Variants in ADGRA1 observed in about 807,000 individuals in gnomAD.
ADGRA1 encodes the protein G-protein coupled receptor 123.
Under a neutral mutation model 21.3 loss-of-function variants are expected in ADGRA1, and 12 were observed. That is an observed-to-expected ratio of 0.56 (90% confidence interval 0.36 to 0.91). The LOEUF (loss-of-function observed/expected upper bound fraction) is 0.91, where lower values mean the gene tolerates loss of function less well. ADGRA1 is among the 40% of genes least tolerant of loss of function. The pLI, the probability that ADGRA1 is intolerant of heterozygous loss-of-function variation, is 0.01. For synonymous variants in ADGRA1, 385 were observed against 368.8 expected (o/e 1.04, Z -0.50); for missense variants, 790 against 805.6 (o/e 0.98, Z 0.23).
chr10:133,102,464 C>A, intron 4 of ADGRA1: 1 of 651,296 alleles, frequency 1.5e-6, no homozygotes, highest in Non-Finnish European at 2.8e-6. Context: ...AGACTCCCTG[C>A]TCCCGTCTCT....
chr10:133,104,939 C>T (rs114596522), intron 5 of ADGRA1, among the ~76,000 whole-genome samples: 1,986 of 152,326 alleles, frequency 0.013, 40 homozygotes, highest in African/African-American at 0.045. Flanking sequence ...GCCTTTCTCC[C>T]CACACCCCGA....
rs985561573 is a variant in ADGRA1, at chr10:133,129,772, C to T, written c.*261C>T. ...CGGGCCACGCCCACTCCCCTTATCC[C>T]AATTCCGCGTGCTGGTCCCGCACAC... On this transcript the variant is annotated 3_prime_UTR_variant, in exon 7 of 7. Transcript: ENST00000392607. The T allele has an allele frequency of 1.5e-5, 7 of 470,268 alleles. No homozygotes were observed. The Admixed American group carries it at 2.5e-4, about 17-fold the overall frequency. The allele number at this position is 470,268 out of a possible 1,614,324, so 29.1% of individuals were successfully genotyped here. A position where few individuals can be genotyped will look rare whatever the true frequency, so the allele number is the denominator to read the frequency against.
In ADGRA1 at chr10:133,102,802, G is replaced by A. The variant is rs1192055464; in HGVS notation, c.361G>A (p.Asp121Asn). 8.1e-6 allele frequency: 13 copies of A among 1,612,614 alleles called. No individual in the cohort carries two copies. In the South Asian group the frequency reaches 1.3e-4, roughly 16 times the overall value. ...GACCAAGAAGGCCCCTCTGTGCCTG[G>A]ACACAGACCAGCCACCGTACCCCAG... ...QVTKKAPLCL[D>N]TDQPPYPRQP... Residue 121 changes from aspartate to asparagine, a missense_variant, in exon 5 of 7, where the codon GAC becomes AAC. Coordinates refer to ENST00000392607, the MANE Select transcript of ADGRA1 (RefSeq NM_001083909.3).
At chr10:133,113,716 A>G (rs1852105190) in intron 5 of ADGRA1, among the ~76,000 whole-genome samples, 2 of 139,718 alleles carry the variant, frequency 1.4e-5, no homozygotes, top group Admixed American at 1.4e-4. Flanking sequence ...TGCCACTTCC[A>G]AGAATGTGGG....
chr10:133,122,113 G>A (rs35195875), intron 5 of ADGRA1, among the ~76,000 whole-genome samples: 45,122 of 152,080 alleles, frequency 0.3, 7,757 homozygotes, highest in Non-Finnish European at 0.39. Context: ...TGCGCGTGGT[G>A]TAAGGAGAGG....
chr10:133,104,207 G>A (rs928313836), intron 5 of ADGRA1, among the ~76,000 whole-genome samples: 5 of 152,226 alleles, frequency 3.3e-5, no homozygotes, highest in African/African-American at 1.2e-4. Flanking sequence ...TCAGATCCAC[G>A]CAGACACGTT....
intron 5 of ADGRA1, among the ~76,000 whole-genome samples, chr10:133,105,305 T>C (rs150779623): frequency 0.013 from 1,970 of 152,288 alleles, 14 homozygotes; most frequent in Non-Finnish European, 0.019. Flanking sequence ...ACATGGGCAG[T>C]GGCCGAGTCT....
chr10:133,108,119 G>T (rs1343417526), intron 5 of ADGRA1, among the ~76,000 whole-genome samples: 1 of 152,196 alleles, frequency 6.6e-6, no homozygotes, highest in African/African-American at 2.4e-5. Context: ...TCAAGGTTAG[G>T]CCTGGACCAG....
chr10:133,100,969 G>A (rs950477136), intron 4 of ADGRA1, among the ~76,000 whole-genome samples: 6 of 152,230 alleles, frequency 3.9e-5, no homozygotes, highest in Non-Finnish European at 7.3e-5. Flanking sequence ...CCCACAAGGC[G>A]ACGTTCTCCG....
At chr10:133,110,484 C>T (rs777847403) in intron 5 of ADGRA1, among the ~76,000 whole-genome samples, 16 of 152,246 alleles carry the variant, frequency 1.1e-4, no homozygotes, top group Admixed American at 2.6e-4. Flanking sequence ...AGCCACTGAC[C>T]CAGGCACCTG....
chr10:133,112,529 AGGCCGCGTCGGTTATTTGAGGTCTGTG>A (rs1852063139), intron 5 of ADGRA1, among the ~76,000 whole-genome samples: 1 of 86,670 alleles, frequency 1.2e-5, no homozygotes. Context: ...TGGGGTCTGC[AGGCCGCGTCGGTTATTTGAGGTCTGTG>A]GGCCGCATCG....
intron 5 of ADGRA1, among the ~76,000 whole-genome samples, chr10:133,123,632 G>A (rs1170795126): frequency 6.6e-6 from 1 of 152,174 alleles, no homozygotes. Flanking sequence ...AACTCAGGGG[G>A]ATCATCCGAC....
intron 5 of ADGRA1, among the ~76,000 whole-genome samples, chr10:133,124,293 C>T (rs1310990290): frequency 1.3e-5 from 2 of 152,220 alleles, no homozygotes; most frequent in African/African-American, 4.8e-5. Context: ...GCCACCTTCC[C>T]CGGGCTCTGA....
Position 133,128,608 on chromosome 10 carries a change from C to T in ADGRA1, c.780C>T (p.Ala260=). ...TCCAGGCACAGCTGCGCGCCGCCGCCTTCACGCTGTTCCTGTTCACGGCCA... is the reference window on the plus strand; with the variant it reads ...TCCAGGCACAGCTGCGCGCCGCCGCTTTCACGCTGTTCCTGTTCACGGCCA... ...HSFQAQLRAA[A]FTLFLFTATW... is the part of the protein sequence containing the mutation. Residue 260 remains alanine, a synonymous_variant, in exon 7 of 7, where the codon GCC becomes GCT. Coordinates refer to ENST00000392607, the MANE Select transcript of ADGRA1 (RefSeq NM_001083909.3). 1 of 1,602,772 alleles carries T rather than the reference C, an allele frequency of 6.2e-7. No homozygotes were observed. Among genetic ancestry groups the T allele is most frequent in the Non-Finnish European group, 8.5e-7 (1 of 1,176,696 alleles).
At chr10:133,124,085 C>T (rs1362896912) in intron 5 of ADGRA1, among the ~76,000 whole-genome samples, 1 of 152,196 alleles carries the variant, frequency 6.6e-6, no homozygotes, top group East Asian at 1.9e-4. Flanking sequence ...TCACTTGGCA[C>T]TGGGTCACGT....
At chr10:133,122,708 G>A (rs896278098) in intron 5 of ADGRA1, among the ~76,000 whole-genome samples, 25 of 152,202 alleles carry the variant, frequency 1.6e-4, no homozygotes, top group African/African-American at 5.1e-4. Flanking sequence ...GACCCGCGGG[G>A]CAGAAGCGAG....
rs754755741 is a variant in ADGRA1, at chr10:133,129,014, G to A, written c.1186G>A (p.Glu396Lys). 6.4e-6 allele frequency: 10 copies of A among 1,567,056 alleles called. No individual in the cohort carries two copies. Among genetic ancestry groups the A allele is most frequent in the East Asian group, 4.7e-5 (2 of 42,536 alleles). ...KMHCEPLTAD[E>K]AHVHLQEEGA... ...GCACTGCGAGCCACTGACGGCGGAC[G>A]AGGCGCACGTGCACCTGCAGGAGGA... Residue 396 changes from glutamate to lysine, a missense_variant, in exon 7 of 7, where the codon GAG (glutamate) becomes AAG (lysine). Around this residue, in one of 3 missense-constraint regions of ADGRA1, gnomAD observed 391 missense variants for 351.5 expected, o/e 1.11. Transcript: ENST00000392607.
At chr10:133,113,150 T>G (rs866839205) in intron 5 of ADGRA1, among the ~76,000 whole-genome samples, 2 of 40,404 alleles carry the variant, frequency 4.9e-5, no homozygotes, top group Non-Finnish European at 4.9e-5. Flanking sequence ...GCCACGTCGG[T>G]TATTTGAGGT....
At chr10:133,097,191 C>T in intron 3 of ADGRA1, 90 bp downstream of exon 3, 1 of 1,482,170 alleles carries the variant, frequency 6.7e-7, no homozygotes, top group Non-Finnish European at 9.3e-7. Flanking sequence ...ATGCCACTGC[C>T]CCCTCATGTA....
Sources: allele counts gnomAD v4.1 joint callset (sites outside exome capture counted in the v4.1 genomes callset), GRCh38; gene constraint gnomAD v4.1.1; regional missense constraint gnomAD v4.1.1; transcripts MANE v1.5; gene names NCBI Gene and HGNC (gene_info 2026-07-23, HGNC 2026-07-21).